Variants in ATP8A2 observed in about 807,000 individuals in gnomAD.
ATP8A2 encodes the protein phospholipid-transporting ATPase IB.
ATP8A2 carries 100 observed loss-of-function variants against 165.6 expected under a neutral mutation model. That is an observed-to-expected ratio of 0.60 (90% CI 0.51 to 0.71). The LOEUF (loss-of-function observed/expected upper bound fraction) is 0.71, where lower values mean the gene tolerates loss of function less well. Ranked by LOEUF, ATP8A2 falls within the 30% of genes least tolerant of loss-of-function variation. ATP8A2 has a pLI of 0.00. For missense variants in ATP8A2, 1,227 were observed against 1,479.5 expected (o/e 0.83, Z 2.80); for synonymous variants, 543 against 548.8 (o/e 0.99, Z 0.15).
intron 1 of ATP8A2, among the ~76,000 whole-genome samples, chr13:25,385,013 A>C (rs760970349): frequency 1.3e-4 from 20 of 152,304 alleles, no homozygotes; most frequent in Non-Finnish European, 2.5e-4. Context: ...CTTCCACATA[A>C]GCAGCTCCAT....
Position 25,579,956 on chromosome 13 carries a change from A to G in ATP8A2, c.2007+9A>G, listed in dbSNP as rs372733985. Reference sequence around the variant, plus strand: ...ACGAGATCATTGAGAAGGTAACCGCACACAATACAGTCTTTTCAGCTCCAT... The same window carrying G: ...ACGAGATCATTGAGAAGGTAACCGCGCACAATACAGTCTTTTCAGCTCCAT... On this transcript the variant is annotated intron_variant, in intron 22 of 36. Transcript: ENST00000381655. 199 of 1,613,704 alleles carry G rather than the reference A, an allele frequency of 1.2e-4. No homozygotes were observed. The highest frequency in any genetic ancestry group is 1.6e-4 in the Non-Finnish European group (192 of 1,179,852).
At chr13:25,845,685 T>G (rs1951845075) in intron 30 of ATP8A2, among the ~76,000 whole-genome samples, 2 of 152,212 alleles carry the variant, frequency 1.3e-5, no homozygotes, top group Admixed American at 1.3e-4. Flanking sequence ...TGTGACTCTC[T>G]TTTCCCCTGG....
At position 25,873,239 on chromosome 13, in the gene ATP8A2, A is replaced by G. The variant is rs116378938; in HGVS notation, c.3183+10831A>G. 6.0e-3 allele frequency among the ~76,000 whole-genome samples: 908 copies of G among 152,292 alleles called. 9 individuals are homozygous for G. The highest frequency in any genetic ancestry group is 0.02 in the African/African-American group (851 of 41,552). ...AGGCAAGACTTTCCCTAAAAATAAA[A>G]CTTGGGGACAACTGAGCTCTTAATC... On this transcript the variant is annotated intron_variant, in intron 33 of 36. Transcript: ENST00000381655.
intron 25 of ATP8A2, among the ~76,000 whole-genome samples, chr13:25,764,871 C>T (rs1354035099): frequency 6.6e-6 from 1 of 152,164 alleles, no homozygotes; most frequent in Non-Finnish European, 1.5e-5. Context: ...AATCTACAAT[C>T]GAGATCCAGC....
At chr13:25,527,835 G>T (rs2037890586) in intron 2 of ATP8A2, among the ~76,000 whole-genome samples, 1 of 152,128 alleles carries the variant, frequency 6.6e-6, no homozygotes, top group South Asian at 2.1e-4. Context: ...TATAGCTGGG[G>T]TAATGTGCCA....
Position 26,023,963 on chromosome 13 carries a change from C to T in ATP8A2, c.*3978C>T, listed in dbSNP as rs896308627. 6.6e-6 allele frequency: 1 copy of T among 152,176 alleles called. No homozygotes were observed. Among genetic ancestry groups the T allele is most frequent in the African/African-American group, 2.4e-5 (1 of 41,438 alleles). 9.4% of individuals were successfully genotyped at this position (152,176 alleles called of 1,614,324 possible). The stretch of plus-strand genomic sequence containing the variant: ...ATGAGTTTATCAGGTCGAGTCAAAA[C>T]ATGGCATCCCCTGTTACACTCAAGA... On this transcript the variant is annotated 3_prime_UTR_variant, in exon 37 of 37. Transcript: ENST00000381655.
chr13:25,533,215 G>T, intron 5 of ATP8A2, 58 bp from the exon 6 acceptor site: 1 of 898,924 alleles, frequency 1.1e-6, no homozygotes. Flanking sequence ...TTGGATTTTA[G>T]GAAGCTGATT....
intron 33 of ATP8A2, among the ~76,000 whole-genome samples, chr13:25,943,240 A>T (rs1442176871): frequency 1.3e-5 from 2 of 152,182 alleles, no homozygotes; most frequent in African/African-American, 2.4e-5. Context: ...AAATCCCTGG[A>T]GAACTGCTAT....
intron 35 of ATP8A2, among the ~76,000 whole-genome samples, chr13:26,002,679 G>A (rs1319533931): frequency 4.6e-5 from 7 of 151,514 alleles, no homozygotes; most frequent in South Asian, 2.1e-4. Flanking sequence ...AACCATCATT[G>A]TACTTTCTAC....
At chr13:25,808,613 A>AT (rs1230503475) in intron 27 of ATP8A2, among the ~76,000 whole-genome samples, 1,913 of 147,294 alleles carry the variant, frequency 0.013, 42 homozygotes, top group African/African-American at 0.045. Flanking sequence ...AAAAAAAAAA[A>AT]TTTTTTTTTT....
At chr13:25,568,358 C>T (rs6491061) in intron 16 of ATP8A2, among the ~76,000 whole-genome samples, 101,949 of 152,120 alleles carry the variant, frequency 0.67, 35,184 homozygotes, top group Middle Eastern at 0.73. Flanking sequence ...CACTTATATA[C>T]GTATATGATT....
At chr13:25,763,320 A>G (rs1344429887) in intron 25 of ATP8A2, among the ~76,000 whole-genome samples, 1 of 152,154 alleles carries the variant, frequency 6.6e-6, no homozygotes, top group Admixed American at 6.6e-5. Context: ...ATTCTTTGAA[A>G]TAAAAACTGA....
intron 25 of ATP8A2, among the ~76,000 whole-genome samples, chr13:25,714,615 A>T (rs1011502012): frequency 3.3e-5 from 5 of 152,236 alleles, no homozygotes; most frequent in African/African-American, 1.2e-4. Flanking sequence ...TGAACACTCA[A>T]TAAATATTGG....
chr13:25,788,266 G>T (rs937334416), intron 27 of ATP8A2, among the ~76,000 whole-genome samples: 2 of 152,246 alleles, frequency 1.3e-5, no homozygotes, highest in African/African-American at 4.8e-5. Flanking sequence ...ACCACAGAGT[G>T]AGCCTTCCTC....
intron 30 of ATP8A2, among the ~76,000 whole-genome samples, chr13:25,845,717 T>A (rs1349384721): frequency 6.6e-6 from 1 of 152,228 alleles, no homozygotes; most frequent in Non-Finnish European, 1.5e-5. Flanking sequence ...CATATTAGTT[T>A]AAACTATTTC....
intron 33 of ATP8A2, among the ~76,000 whole-genome samples, chr13:25,960,489 C>G (rs1443728641): frequency 6.6e-6 from 1 of 152,094 alleles, no homozygotes; most frequent in African/African-American, 2.4e-5. Context: ...AGCGAAACTT[C>G]TATTCCAGTA....
At chr13:25,877,441 G>A (rs922006633) in intron 33 of ATP8A2, among the ~76,000 whole-genome samples, 3 of 152,162 alleles carry the variant, frequency 2.0e-5, no homozygotes, top group African/African-American at 7.2e-5. Flanking sequence ...GTTTGAAGCT[G>A]TATTTTTTGT....
intron 24 of ATP8A2, among the ~76,000 whole-genome samples, chr13:25,694,104 T>A (rs548975397): frequency 1.3e-5 from 2 of 150,140 alleles, no homozygotes; most frequent in East Asian, 4.2e-4. Context: ...CCTCTCCTCC[T>A]CCTGCCAAGG....
chr13:25,947,519 C>A lies in ATP8A2; in HGVS notation c.3184-14056C>A, dbSNP rs1029122248. ...TGTATGATTCCTGCCATCTGGGAGT[C>A]TCCATAAAAGCCTCAAGGCCAAGAG... On this transcript the variant is annotated intron_variant, in intron 33 of 36. Transcript: ENST00000381655. 2.6e-4 allele frequency among the ~76,000 whole-genome samples: 40 copies of A among 152,258 alleles called. 1 individual carries two copies. The highest frequency in any genetic ancestry group is 5.8e-4 in the East Asian group (3 of 5,172).
Sources: allele counts gnomAD v4.1 joint callset (sites outside exome capture counted in the v4.1 genomes callset), GRCh38; gene constraint gnomAD v4.1.1; transcripts MANE v1.5; gene names NCBI Gene and HGNC (gene_info 2026-07-23, HGNC 2026-07-21).